The following FSIP1 variants were observed in gnomAD, a reference collection of about 807,000 sequenced individuals.
FSIP1 encodes fibrous sheath interacting protein 1.
A neutral mutation model predicts 60.9 loss-of-function variants in FSIP1; 65 were observed. The observed-to-expected ratio is 1.07, with a 90% CI of 0.87 to 1.31. The LOEUF is 1.31. FSIP1 is among the 40% of genes most tolerant of loss of function. The pLI, the probability that FSIP1 is intolerant of heterozygous loss-of-function variation, is 0.00. For missense variants in FSIP1, 675 were observed against 665.5 expected (o/e 1.01, Z -0.16); for synonymous variants, 209 against 221.2 (o/e 0.94, Z 0.49).
chr15:39,769,999 A>ATTCTAATT (rs1427631734), intron 3 of FSIP1, among the ~76,000 whole-genome samples: 2 of 152,210 alleles, frequency 1.3e-5, no homozygotes, highest in Non-Finnish European at 2.9e-5. Flanking sequence ...GAGAAACACT[A>ATTCTAATT]TTCTAATTCA....
intron 10 of FSIP1, 130 bp from the exon 11 acceptor site, chr15:39,618,375 T>C: frequency 1.4e-6 from 1 of 737,410 alleles, no homozygotes; most frequent in Non-Finnish European, 2.2e-6. Flanking sequence ...AGAAAAATAA[T>C]TCATTGTAAA....
chr15:39,616,599 A>T (rs16969384), intron 11 of FSIP1, among the ~76,000 whole-genome samples: 4,043 of 152,288 alleles, frequency 0.027, 171 homozygotes, highest in African/African-American at 0.093. Flanking sequence ...AAATCATTAG[A>T]CCAGATTAGC....
In FSIP1 at chr15:39,696,870, CTGTGTGTGTGTGTGTGTGTGTGTG is replaced by C. The variant is rs67940382; in HGVS notation, c.1188+16550_1188+16573del. Among the ~76,000 whole-genome samples the C allele has an allele frequency of 5.3e-3, 595 of 111,820 alleles. 8 individuals are homozygous for C. Among genetic ancestry groups the C allele is most frequent in the Middle Eastern group, 0.02 (5 of 248 alleles). 73.4% of individuals were successfully genotyped at this position (111,820 alleles called of 152,430 possible). A position where few individuals can be genotyped will look rare whatever the true frequency, so the allele number is the denominator to read the frequency against. On this transcript the variant is annotated intron_variant, in intron 10 of 11. Coordinates refer to ENST00000350221, the MANE Select transcript of FSIP1 (RefSeq NM_152597.5). The stretch of plus-strand genomic sequence containing the variant: ...GGAAAGGAGGAGGGGGAAGGGGTGT[CTGTGTGTGTGTGTGTGTGTGTGTG>C]TGTGTGTGTGTGTGTGTGTGTGTGT...
Position 39,615,430 on chromosome 15 carries a change from A to C in FSIP1, c.1699+2305T>G, listed in dbSNP as rs76679319. ...ACTCAATAGCAAAAAAAAAAAAAAA[A>C]ATTAAAAAATAGGCAAAAGACCTGA... On this transcript the variant is annotated intron_variant, in intron 11 of 11. Coordinates refer to ENST00000350221, the MANE Select transcript of FSIP1 (RefSeq NM_152597.5). Among the ~76,000 whole-genome samples, 80 of 147,844 alleles carry C rather than the reference A, an allele frequency of 5.4e-4. 1 individual carries two copies. Among genetic ancestry groups the C allele is most frequent in the Middle Eastern group, 3.4e-3 (1 of 290 alleles).
intron 7 of FSIP1, among the ~76,000 whole-genome samples, chr15:39,738,441 T>G (rs1348853433): frequency 6.6e-6 from 1 of 152,114 alleles, no homozygotes; most frequent in East Asian, 1.9e-4. Context: ...CAACAGACAT[T>G]TTATTAAAAA....
At chr15:39,748,627 A>G (rs1897071674) in intron 5 of FSIP1, among the ~76,000 whole-genome samples, 1 of 152,184 alleles carries the variant, frequency 6.6e-6, no homozygotes, top group African/African-American at 2.4e-5. Flanking sequence ...CTCTCTAATA[A>G]GCTATAAAGA....
intron 10 of FSIP1, among the ~76,000 whole-genome samples, chr15:39,663,683 T>C (rs1893389066): frequency 6.6e-6 from 1 of 152,154 alleles, no homozygotes; most frequent in Admixed American, 6.5e-5. Flanking sequence ...TGCAACGTAT[T>C]GAGAAAAATA....
intron 10 of FSIP1, among the ~76,000 whole-genome samples, chr15:39,684,611 C>T (rs189352825): frequency 6.6e-6 from 1 of 152,162 alleles, no homozygotes; most frequent in Non-Finnish European, 1.5e-5. Context: ...TTTAGAATGT[C>T]AAATCCTAAA....
chr15:39,647,887 C>T (rs1002517827), intron 10 of FSIP1, among the ~76,000 whole-genome samples: 1 of 151,824 alleles, frequency 6.6e-6, no homozygotes, highest in Non-Finnish European at 1.5e-5. Context: ...TGTCTGAAAT[C>T]CAAAAATAAA....
At chr15:39,716,214 A>T (rs1257517496) in intron 9 of FSIP1, among the ~76,000 whole-genome samples, 1 of 152,228 alleles carries the variant, frequency 6.6e-6, no homozygotes, top group East Asian at 1.9e-4. Context: ...AAGATACACC[A>T]GCTATGAAGT....
chr15:39,730,488 C>A (rs1896362946), intron 8 of FSIP1, among the ~76,000 whole-genome samples: 1 of 152,198 alleles, frequency 6.6e-6, no homozygotes, highest in African/African-American at 2.4e-5. Context: ...TTATTTCATA[C>A]ATTTTGATTT....
chr15:39,768,423 T>A (rs118040909), intron 3 of FSIP1, among the ~76,000 whole-genome samples: 2,925 of 152,330 alleles, frequency 0.019, 46 homozygotes, highest in Non-Finnish European at 0.03. Context: ...AAAGTAAATA[T>A]TTACTTATTA....
At chr15:39,687,402 C>T (rs1894426394) in intron 10 of FSIP1, among the ~76,000 whole-genome samples, 1 of 152,158 alleles carries the variant, frequency 6.6e-6, no homozygotes, top group Admixed American at 6.5e-5. Flanking sequence ...GATCCACCCG[C>T]CTTGGCCTCC....
intron 10 of FSIP1, among the ~76,000 whole-genome samples, chr15:39,685,457 GC>G (rs910022548): frequency 5.9e-5 from 9 of 152,122 alleles, no homozygotes; most frequent in African/African-American, 2.2e-4. Context: ...CACATAGAAA[GC>G]CTTTGATGGC....
intron 10 of FSIP1, among the ~76,000 whole-genome samples, chr15:39,643,948 A>G (rs1892479507): frequency 6.6e-6 from 1 of 152,214 alleles, no homozygotes; most frequent in African/African-American, 2.4e-5. Context: ...CCAACCATAA[A>G]TTAAAATAAC....
chr15:39,765,589 T>G lies in FSIP1; in HGVS notation c.465+3A>C. On this transcript the variant is annotated splice_donor_region_variant and intron_variant, in intron 4 of 11. Transcript: ENST00000350221. ...TGTCAGCATAAGGTTAGATAATTCT[T>G]ACCTTAATTTCTTCCCACAGCTTTA... 1 of 1,569,858 alleles carries G rather than the reference T, an allele frequency of 6.4e-7. No individual in the cohort carries two copies. Among genetic ancestry groups the G allele is most frequent in the Middle Eastern group, 1.7e-4 (1 of 5,856 alleles).
chr15:39,748,719 A>T (rs920510092), intron 5 of FSIP1, among the ~76,000 whole-genome samples: 1 of 152,194 alleles, frequency 6.6e-6, no homozygotes, highest in African/African-American at 2.4e-5. Flanking sequence ...TAAAAGAAGA[A>T]AGATCTCAAA....
Position 39,699,436 on chromosome 15 carries a change from T to A in FSIP1, c.1188+14008A>T, listed in dbSNP as rs563384576. Among the ~76,000 whole-genome samples the A allele has an allele frequency of 4.5e-4, 68 of 152,374 alleles. 2 individuals are homozygous for A. The South Asian group carries it at 9.7e-3, about 22-fold the overall frequency. On this transcript the variant is annotated intron_variant, in intron 10 of 11. Transcript: ENST00000350221. ...GAGAATATAATGTCTATTATGTGGA[T>A]CATTTCATTTTATTGAACGTCCACT...
At chr15:39,608,623 T>A (rs1402942945) in intron 11 of FSIP1, among the ~76,000 whole-genome samples, 1 of 152,216 alleles carries the variant, frequency 6.6e-6, no homozygotes, top group Non-Finnish European at 1.5e-5. Context: ...TAAATGAAGA[T>A]CTTTGGTGTG....
Sources: allele counts gnomAD v4.1 joint callset (sites outside exome capture counted in the v4.1 genomes callset), GRCh38; gene constraint gnomAD v4.1.1; transcripts MANE v1.5; gene names NCBI Gene and HGNC (gene_info 2026-07-23, HGNC 2026-07-21).